Variants in SLC2A13 observed in about 807,000 individuals in gnomAD.
SLC2A13 encodes proton myo-inositol cotransporter.
A neutral mutation model predicts 64.4 loss-of-function variants in SLC2A13; 32 were observed. The observed-to-expected ratio is 0.50, with a 90% CI of 0.37 to 0.67. The LOEUF is 0.67. Ranked by LOEUF, SLC2A13 falls within the 30% of genes least tolerant of loss-of-function variation. The probability of loss-of-function intolerance (pLI) is 0.00; values close to 1 mark genes in which losing one functional copy is unlikely to be tolerated. For synonymous variants in SLC2A13, 338 were observed against 327.1 expected, an observed-to-expected ratio of 1.03 and a Z score of -0.36; for missense variants, 743 against 829.2, an observed-to-expected ratio of 0.90 and a Z score of 1.28.
chr12:39,947,808 C>T (rs1946163596), intron 4 of SLC2A13, among the ~76,000 whole-genome samples: 1 of 151,728 alleles, frequency 6.6e-6, no homozygotes, highest in Admixed American at 6.6e-5. Flanking sequence ...CTACAGGCGC[C>T]CGCCACTATG....
intron 1 of SLC2A13, among the ~76,000 whole-genome samples, chr12:40,087,771 T>C (rs1158597089): frequency 6.6e-6 from 1 of 152,142 alleles, no homozygotes; most frequent in African/African-American, 2.4e-5. Flanking sequence ...TAAACCACCA[T>C]GAAGTGGATA....
Position 39,757,625 on chromosome 12 carries a change from A to G in SLC2A13, c.*2401T>C, listed in dbSNP as rs1040209484. ...TATGGAATATTATCTTTAACACTAT[A>G]TAAATAACAAATAGTCCTTTAAAGT... On this transcript the variant is annotated 3_prime_UTR_variant, in exon 10 of 10. Coordinates refer to ENST00000280871, the MANE Select transcript of SLC2A13 (RefSeq NM_052885.4). 3.3e-5 allele frequency: 5 copies of G among 151,948 alleles called. No homozygotes were observed. Among genetic ancestry groups the G allele is most frequent in the African/African-American group, 1.2e-4 (5 of 41,396 alleles). The allele number at this position is 151,948 out of a possible 1,614,324, so 9.4% of individuals were successfully genotyped here.
chr12:40,097,951 AGCC>A (rs1939007790), intron 1 of SLC2A13, among the ~76,000 whole-genome samples: 1 of 152,140 alleles, frequency 6.6e-6, no homozygotes, highest in African/African-American at 2.4e-5. Context: ...TATCCACAAC[AGCC>A]AAGAGGGAGA....
At position 39,896,470 on chromosome 12, in the gene SLC2A13, A is replaced by G. The variant is rs867558675; in HGVS notation, c.1035-24509T>C. On this transcript the variant is annotated intron_variant, in intron 4 of 9. Transcript: ENST00000280871. ...TATATGTGTGTATATATGTATACAT[A>G]TATGTATATGTGTATATATGTACAC... Among the ~76,000 whole-genome samples the G allele has an allele frequency of 3.2e-4, 42 of 132,774 alleles. No individual in the cohort carries two copies. In the South Asian group the frequency reaches 4.5e-3, roughly 14 times the overall value. The allele number at this position is 132,774 out of a possible 152,430, so 87.1% of individuals were successfully genotyped here.
intron 4 of SLC2A13, among the ~76,000 whole-genome samples, chr12:39,925,206 C>CT (rs958897522): frequency 2.6e-5 from 4 of 151,618 alleles, no homozygotes; most frequent in Non-Finnish European, 5.9e-5. Context: ...TAATTTTGTA[C>CT]TTTTTTTCTG....
intron 3 of SLC2A13, among the ~76,000 whole-genome samples, chr12:39,958,593 T>C (rs1487309561): frequency 1.3e-5 from 2 of 152,054 alleles, no homozygotes; most frequent in African/African-American, 4.8e-5. Context: ...CACTGAATCC[T>C]CCACTTACTT....
chr12:39,848,326 T>C (rs1031231087), intron 6 of SLC2A13, among the ~76,000 whole-genome samples: 3 of 151,998 alleles, frequency 2.0e-5, no homozygotes, highest in African/African-American at 7.2e-5. Flanking sequence ...TTAGCAAATT[T>C]ACAAAAGAAA....
intron 1 of SLC2A13, among the ~76,000 whole-genome samples, chr12:40,061,479 G>T: frequency 6.6e-6 from 1 of 152,050 alleles, no homozygotes; most frequent in Admixed American, 6.6e-5. Context: ...GTCATTCTGG[G>T]AAAGAAACAC....
intron 6 of SLC2A13, among the ~76,000 whole-genome samples, chr12:39,835,446 C>T (rs1012901269): frequency 1.3e-5 from 2 of 152,034 alleles, no homozygotes; most frequent in Non-Finnish European, 2.9e-5. Flanking sequence ...AGAAACTTTA[C>T]ATTTATAAGA....
intron 2 of SLC2A13, among the ~76,000 whole-genome samples, chr12:40,038,054 T>C (rs1565600461): frequency 6.6e-6 from 1 of 152,242 alleles, no homozygotes; most frequent in African/African-American, 2.4e-5. Context: ...AATTTGCTCC[T>C]ATTATTCTAG....
chr12:40,017,480 G>A (rs1947638975), intron 3 of SLC2A13, among the ~76,000 whole-genome samples: 1 of 152,124 alleles, frequency 6.6e-6, no homozygotes, highest in Non-Finnish European at 1.5e-5. Context: ...TCTATTGCAA[G>A]AGCCTGAATA....
chr12:40,053,500 A>G (rs1279154321), intron 1 of SLC2A13, among the ~76,000 whole-genome samples: 1 of 151,954 alleles, frequency 6.6e-6, no homozygotes, highest in Non-Finnish European at 1.5e-5. Context: ...TGCCTATGTG[A>G]TCCTTTGGAA....
rs1939959467 is a variant in SLC2A13, at chr12:39,755,919, G to A, written c.*4107C>T. 1 of 151,868 alleles carries A rather than the reference G, an allele frequency of 6.6e-6. No homozygotes were observed. Among genetic ancestry groups the A allele is most frequent in the African/African-American group, 2.4e-5 (1 of 41,372 alleles). The allele number at this position is 151,868 out of a possible 1,614,324, so 9.4% of individuals were successfully genotyped here. On this transcript the variant is annotated 3_prime_UTR_variant, in exon 10 of 10. Coordinates refer to ENST00000280871, the MANE Select transcript of SLC2A13 (RefSeq NM_052885.4). Reference sequence around the variant, plus strand: ...ATAAAACACCTCTTTGATGATTACTGGCACACAAAAATTTCCTTCTCTAAA... The same window carrying A: ...ATAAAACACCTCTTTGATGATTACTAGCACACAAAAATTTCCTTCTCTAAA...
chr12:39,760,159 A>T lies in SLC2A13; in HGVS notation c.1814T>A (p.Ile605Asn), dbSNP rs781699032. 6.2e-7 allele frequency: 1 copy of T among 1,612,836 alleles called. No individual in the cohort carries two copies. The highest frequency in any genetic ancestry group is 1.3e-5 in the African/African-American group (1 of 74,816). Residue 605 changes from isoleucine to asparagine, a missense_variant, in exon 10 of 10, where the codon ATT (isoleucine) becomes AAT (asparagine). Ile to Asn is a moderately radical substitution (Grantham distance 149, BLOSUM62 -3). Around this residue, in one of 2 missense-constraint regions of SLC2A13, gnomAD observed 295 missense variants for 381.7 expected, o/e 0.77. Coordinates refer to ENST00000280871, the MANE Select transcript of SLC2A13 (RefSeq NM_052885.4). ...TAGCCTGTTGTCAAAGAGTGATTCAATTTCCTCTAATTTTTTGCCTTTGGT... is the reference window on the plus strand; with the variant it reads ...TAGCCTGTTGTCAAAGAGTGATTCATTTTCCTCTAATTTTTTGCCTTTGGT... ...PETKGKKLEE[I>N]ESLFDNRLCT...
At chr12:40,070,650 G>A (rs1937918092) in intron 1 of SLC2A13, among the ~76,000 whole-genome samples, 1 of 152,114 alleles carries the variant, frequency 6.6e-6, no homozygotes, top group Non-Finnish European at 1.5e-5. Flanking sequence ...CCAAAGTAAT[G>A]CCATCCAACA....
intron 4 of SLC2A13, among the ~76,000 whole-genome samples, chr12:39,944,145 C>T (rs1239213847): frequency 1.3e-5 from 2 of 152,226 alleles, no homozygotes; most frequent in Non-Finnish European, 2.9e-5. Flanking sequence ...CATGTATTTG[C>T]ATGGTTTTGA....
chr12:40,059,082 CTG>C (rs1228098587), intron 1 of SLC2A13, among the ~76,000 whole-genome samples: 3 of 152,174 alleles, frequency 2.0e-5, no homozygotes, highest in African/African-American at 7.2e-5. Flanking sequence ...TGCAGTAACT[CTG>C]AGACACTGAC....
At position 39,845,431 on chromosome 12, in the gene SLC2A13, T is replaced by G. The variant is rs188740989; in HGVS notation, c.1320-15203A>C. On this transcript the variant is annotated intron_variant, in intron 6 of 9. Coordinates refer to ENST00000280871, the MANE Select transcript of SLC2A13 (RefSeq NM_052885.4). ...TTAGGCTTATCATATTATAAGTGTTTCAAACAGGGACAACATAATCAAAGG... is the reference window on the plus strand; with the variant it reads ...TTAGGCTTATCATATTATAAGTGTTGCAAACAGGGACAACATAATCAAAGG... Among the ~76,000 whole-genome samples the G allele has an allele frequency of 2.0e-5, 3 of 152,246 alleles. No individual in the cohort carries two copies. In the East Asian group the frequency reaches 5.8e-4, roughly 29 times the overall value.
intron 7 of SLC2A13, chr12:39,788,451 C>A (rs1941267231): frequency 6.6e-6 from 1 of 152,084 alleles, no homozygotes; most frequent in African/African-American, 2.4e-5. Context: ...ATATACTGGA[C>A]AAAGGGATGA....
Sources: allele counts gnomAD v4.1 joint callset (sites outside exome capture counted in the v4.1 genomes callset), GRCh38; gene constraint gnomAD v4.1.1; regional missense constraint gnomAD v4.1.1; transcripts MANE v1.5; gene names NCBI Gene and HGNC (gene_info 2026-07-23, HGNC 2026-07-21).